Variants in CCDC85A observed in about 807,000 individuals in gnomAD.
CCDC85A encodes coiled-coil domain containing 85A.
In CCDC85A, 38 loss-of-function variants were observed where a neutral mutation model predicts 50.2. The ratio of observed to expected loss-of-function variants is 0.76; its 90% confidence interval spans 0.58 to 0.99. The LOEUF (loss-of-function observed/expected upper bound fraction) is 0.99. Among genes scored for constraint, CCDC85A ranks in the 50% least tolerant of loss-of-function variants. CCDC85A has a pLI of 0.00. For synonymous variants in CCDC85A, 366 were observed against 301.4 expected (o/e 1.21, Z -2.22); for missense variants, 820 against 742.0 (o/e 1.11, Z -1.22).
intron 2 of CCDC85A, among the ~76,000 whole-genome samples, chr2:56,249,317 T>A (rs1669647147): frequency 6.6e-6 from 1 of 152,242 alleles, no homozygotes; most frequent in Non-Finnish European, 1.5e-5. Context: ...AAACTCCCTT[T>A]ACTTTCTGTC....
At chr2:56,374,502 A>G (rs1042697253) in intron 4 of CCDC85A, among the ~76,000 whole-genome samples, 7 of 152,194 alleles carry the variant, frequency 4.6e-5, no homozygotes, top group African/African-American at 1.7e-4. Flanking sequence ...CTTATCTCTA[A>G]AATGTACAGC....
chr2:56,210,145 A>G (rs1309678893), intron 2 of CCDC85A, among the ~76,000 whole-genome samples: 1 of 152,082 alleles, frequency 6.6e-6, no homozygotes, highest in Non-Finnish European at 1.5e-5. Context: ...GCTCGTTGGA[A>G]GTAGCTGTCT....
At chr2:56,376,009 C>T (rs1270837249) in intron 5 of CCDC85A, 74 bp downstream of exon 5, 6 of 1,504,804 alleles carry the variant, frequency 4.0e-6, no homozygotes, top group Non-Finnish European at 4.5e-6. Context: ...TCTAGTAGTC[C>T]TCACAGTCTT....
At chr2:56,318,597 T>A (rs1673022557) in intron 2 of CCDC85A, among the ~76,000 whole-genome samples, 2 of 152,256 alleles carry the variant, frequency 1.3e-5, no homozygotes, top group South Asian at 2.1e-4. Context: ...ATTTATTGCA[T>A]AAATATACTG....
At chr2:56,236,745 T>C (rs186575170) in intron 2 of CCDC85A, among the ~76,000 whole-genome samples, 74 of 152,294 alleles carry the variant, frequency 4.9e-4, no homozygotes, top group Middle Eastern at 3.4e-3. Context: ...ATCTCCTGCA[T>C]GGTCCTTTTT....
intron 2 of CCDC85A, among the ~76,000 whole-genome samples, chr2:56,267,439 C>A (rs1357340508): frequency 1.3e-5 from 2 of 152,180 alleles, no homozygotes; most frequent in Non-Finnish European, 2.9e-5. Context: ...ACACTTAAAT[C>A]ATTTCAACTA....
chr2:56,269,405 G>A (rs1311706688), intron 2 of CCDC85A, among the ~76,000 whole-genome samples: 1 of 151,750 alleles, frequency 6.6e-6, no homozygotes, highest in Admixed American at 6.6e-5. Flanking sequence ...AATCTTAATG[G>A]TTGTGGTAAT....
At chr2:56,298,323 C>T (rs1156264055) in intron 2 of CCDC85A, among the ~76,000 whole-genome samples, 3 of 152,056 alleles carry the variant, frequency 2.0e-5, no homozygotes, top group Non-Finnish European at 4.4e-5. Flanking sequence ...TAGACAGACC[C>T]CTGCATTGCC....
chr2:56,184,201 G>A lies in CCDC85A; in HGVS notation c.-424G>A, dbSNP rs1675887804. 3.0e-6 allele frequency: 3 copies of A among 989,032 alleles called. No individual in the cohort carries two copies. Among genetic ancestry groups the A allele is most frequent in the African/African-American group, 1.7e-5 (1 of 57,620 alleles). The allele number at this position is 989,032 out of a possible 1,614,324, so 61.3% of individuals were successfully genotyped here. On this transcript the variant is annotated 5_prime_UTR_variant, in exon 1 of 6. In the 5' UTR this introduces an upstream ATG that the reference lacks. Coordinates refer to ENST00000407595, the MANE Select transcript of CCDC85A (RefSeq NM_001080433.2). Reference sequence around the variant, plus strand: ...CTGCAGCTGGGCAAGGGGGAGGAAAGTGCGTGTGCGTGCACGCCTGTGTGC... The same window carrying A: ...CTGCAGCTGGGCAAGGGGGAGGAAAATGCGTGTGCGTGCACGCCTGTGTGC...
At chr2:56,217,422 T>G (rs1668113878) in intron 2 of CCDC85A, among the ~76,000 whole-genome samples, 1 of 151,960 alleles carries the variant, frequency 6.6e-6, no homozygotes, top group Non-Finnish European at 1.5e-5. Context: ...TGTAAGTTTC[T>G]TCTATCTTTA....
chr2:56,201,832 A>G (rs1291324478), intron 2 of CCDC85A, among the ~76,000 whole-genome samples: 1 of 152,202 alleles, frequency 6.6e-6, no homozygotes, highest in Non-Finnish European at 1.5e-5. Flanking sequence ...TCATAGAATC[A>G]TAGAACTTAA....
chr2:56,234,411 G>T (rs1484945789), intron 2 of CCDC85A, among the ~76,000 whole-genome samples: 1 of 152,090 alleles, frequency 6.6e-6, no homozygotes, highest in East Asian at 1.9e-4. Flanking sequence ...CCCTTGAATT[G>T]AACTGGCTCC....
chr2:56,281,908 A>G (rs1671223340), intron 2 of CCDC85A, among the ~76,000 whole-genome samples: 1 of 152,170 alleles, frequency 6.6e-6, no homozygotes, highest in Non-Finnish European at 1.5e-5. Flanking sequence ...AGTGGTGTTT[A>G]GATGAAGAAG....
chr2:56,379,865 T>A, intron 5 of CCDC85A: 1 of 863,298 alleles, frequency 1.2e-6, no homozygotes, highest in Non-Finnish European at 1.4e-6. Flanking sequence ...TTAATGTGCT[T>A]TATTGTGTAT....
intron 3 of CCDC85A, among the ~76,000 whole-genome samples, chr2:56,363,464 GTATCCTA>G (rs1675636285): frequency 1.3e-5 from 2 of 152,270 alleles, no homozygotes; most frequent in South Asian, 4.1e-4. Context: ...ATTATTGTAT[GTATCCTA>G]GATAGGTAGC....
intron 2 of CCDC85A, among the ~76,000 whole-genome samples, chr2:56,311,336 T>C (rs1672681900): frequency 2.0e-5 from 3 of 152,174 alleles, no homozygotes; most frequent in Admixed American, 6.6e-5. Context: ...AACCTGTTTA[T>C]TTGACAGTTT....
chr2:56,248,084 A>G (rs1416832380), intron 2 of CCDC85A, among the ~76,000 whole-genome samples: 1 of 152,206 alleles, frequency 6.6e-6, no homozygotes, highest in Non-Finnish European at 1.5e-5. Context: ...GACAGGGGAT[A>G]TAAGTGATAT....
chr2:56,345,167 C>G (rs780510665), intron 3 of CCDC85A, among the ~76,000 whole-genome samples: 1 of 152,058 alleles, frequency 6.6e-6, no homozygotes, highest in Non-Finnish European at 1.5e-5. Context: ...ATTTTGCTAC[C>G]AAGGAAGGTT....
intron 2 of CCDC85A, among the ~76,000 whole-genome samples, chr2:56,322,607 C>G (rs1673260899): frequency 6.6e-6 from 1 of 152,114 alleles, no homozygotes; most frequent in South Asian, 2.1e-4. Flanking sequence ...CCATCTCACA[C>G]CAGTTAGAAT....
Sources: allele counts gnomAD v4.1 joint callset (sites outside exome capture counted in the v4.1 genomes callset), GRCh38; gene constraint gnomAD v4.1.1; transcripts MANE v1.5; gene names NCBI Gene and HGNC (gene_info 2026-07-23, HGNC 2026-07-21).